CPSF2: variants seen among roughly 807,000 people sequenced by gnomAD.
The protein encoded by CPSF2 is cleavage and polyadenylation specificity factor subunit 2.
Under a neutral mutation model 84.2 loss-of-function variants are expected in CPSF2, and 51 were observed. The observed-to-expected ratio is 0.61, with a 90% CI of 0.48 to 0.77. The LOEUF (loss-of-function observed/expected upper bound fraction) is 0.77, where lower values mean the gene tolerates loss of function less well. Among genes scored for constraint, CPSF2 ranks in the 30% least tolerant of loss-of-function variants. The pLI, the probability that CPSF2 is intolerant of heterozygous loss-of-function variation, is 0.00. For missense variants in CPSF2, 641 were observed against 929.4 expected (o/e 0.69, Z 4.03); for synonymous variants, 286 against 311.9 (o/e 0.92, Z 0.87).
intron 9 of CPSF2, 122 bp downstream of exon 9, chr14:92,143,416 C>T (rs879319396): frequency 2.8e-5 from 21 of 754,460 alleles, no homozygotes; most frequent in Non-Finnish European, 3.5e-5. Flanking sequence ...CAGAATTACT[C>T]TTGAGAGCCA....
At chr14:92,136,991 A>G (rs910407692) in intron 6 of CPSF2, among the ~76,000 whole-genome samples, 13 of 151,774 alleles carry the variant, frequency 8.6e-5, no homozygotes, top group Admixed American at 4.6e-4. Flanking sequence ...ATTTGATGAC[A>G]TACAGGTTCA....
At chr14:92,145,893 G>A (rs916374598) in intron 9 of CPSF2, among the ~76,000 whole-genome samples, 1 of 152,110 alleles carries the variant, frequency 6.6e-6, no homozygotes, top group Non-Finnish European at 1.5e-5. Flanking sequence ...CCTTCTTAGC[G>A]ATAGTTCTTT....
intron 8 of CPSF2, 73 bp from the exon 9 acceptor site, chr14:92,142,931 C>A (rs1382764569): frequency 1.5e-6 from 2 of 1,292,546 alleles, no homozygotes; most frequent in East Asian, 4.7e-5. Context: ...ACTTGAATTC[C>A]TTGACTATTA....
At chr14:92,139,177 G>C (rs2069040392) in intron 7 of CPSF2, among the ~76,000 whole-genome samples, 1 of 152,070 alleles carries the variant, frequency 6.6e-6, no homozygotes, top group Non-Finnish European at 1.5e-5. Context: ...CACCACTTTG[G>C]GAGGCTGAGG....
At chr14:92,125,398 A>G (rs2068832838) in intron 1 of CPSF2, among the ~76,000 whole-genome samples, 2 of 152,208 alleles carry the variant, frequency 1.3e-5, no homozygotes. Context: ...GCTATAAAAT[A>G]CAATTTGAGA....
At chr14:92,143,344 T>G in intron 9 of CPSF2, 50 bp downstream of exon 9, 1 of 1,180,776 alleles carries the variant, frequency 8.5e-7, no homozygotes, top group East Asian at 2.4e-5. Context: ...GGGGATACAT[T>G]GTGCATGATG....
intron 2 of CPSF2, among the ~76,000 whole-genome samples, chr14:92,128,370 C>T (rs2068869123): frequency 6.6e-6 from 1 of 152,222 alleles, no homozygotes; most frequent in Non-Finnish European, 1.5e-5. Context: ...GTAGTCCCAG[C>T]TACTCAGGTG....
In CPSF2 at chr14:92,166,343, T is replaced by G. The variant is rs1050117872; in HGVS notation, c.*4599T>G. On this transcript the variant is annotated 3_prime_UTR_variant, in exon 16 of 16. Transcript: ENST00000298875. ...GTCTTTCATTTATTTTGAATTATTA[T>G]CATTATTATTATTTTCTTTTTGAGG... 6.6e-6 allele frequency: 1 copy of G among 152,086 alleles called. No individual in the cohort carries two copies. The highest frequency in any genetic ancestry group is 1.5e-5 in the Non-Finnish European group (1 of 68,020). The allele number at this position is 152,086 out of a possible 1,614,324, so 9.4% of individuals were successfully genotyped here.
intron 4 of CPSF2, 31 bp from the exon 5 acceptor site, chr14:92,134,215 ATTGT>A: frequency 6.2e-7 from 1 of 1,611,168 alleles, no homozygotes; most frequent in South Asian, 1.1e-5. Context: ...TCCTTCAGTG[ATTGT>A]TTTTCACCTT....
At position 92,140,434 on chromosome 14, in the gene CPSF2, C is replaced by CTTT. The variant is rs35320936; in HGVS notation, c.662-1715_662-1713dup. Among the ~76,000 whole-genome samples, 628 of 123,326 alleles carry CTTT rather than the reference C, an allele frequency of 5.1e-3. 14 individuals carry two copies. The highest frequency in any genetic ancestry group is 0.018 in the African/African-American group (599 of 32,984). 80.9% of individuals were successfully genotyped at this position (123,326 alleles called of 152,430 possible). A position where few individuals can be genotyped will look rare whatever the true frequency, so the allele number is the denominator to read the frequency against. On this transcript the variant is annotated intron_variant, in intron 7 of 15. Transcript: ENST00000298875. ...GGGTAACATAGTGAGACCCCCATCT[C>CTTT]TTTTTTTTTTTTTTTTTGAGATGTA...
In CPSF2 at chr14:92,137,021, A is replaced by T. The variant is rs946068833; in HGVS notation, c.546-1211A>T. Among the ~76,000 whole-genome samples, 10 of 94,374 alleles carry T rather than the reference A, an allele frequency of 1.1e-4. No individual in the cohort carries two copies. The East Asian group carries it at 8.7e-3, about 82-fold the overall frequency. The allele number at this position is 94,374 out of a possible 152,430, so 61.9% of individuals were successfully genotyped here. ...GGTTCAAATGTCTGAAACAACAAAT[A>T]AAAAAAAAAATCAAAGTAGGAAAAT... On this transcript the variant is annotated intron_variant, in intron 6 of 15. Transcript: ENST00000298875.
chr14:92,151,889 A>C (rs2069223166), intron 9 of CPSF2, among the ~76,000 whole-genome samples: 1 of 151,866 alleles, frequency 6.6e-6, no homozygotes, highest in Non-Finnish European at 1.5e-5. Context: ...AAATACAAAA[A>C]TTAGCTGGGA....
In CPSF2 at chr14:92,159,094, G is replaced by T. The variant is rs775775505; in HGVS notation, c.1933G>T (p.Gly645Trp). 6.2e-7 allele frequency: 1 copy of T among 1,614,004 alleles called. No individual in the cohort carries two copies. The highest frequency in any genetic ancestry group is 1.1e-5 in the South Asian group (1 of 91,056). Residue 645 changes from glycine (G) to tryptophan (W), a missense_variant, in exon 14 of 16, where the codon GGG becomes TGG. Physicochemically the swap from Gly to Trp is radical, Grantham distance 184. Transcript: ENST00000298875. ...TATGAGAGTTTCCAAAGTGGACACA[G>T]GGGTTATTTTAGAAGAAGGAGAACT... ...LDMRVSKVDT[G>W]VILEEGELKD...
intron 7 of CPSF2, among the ~76,000 whole-genome samples, chr14:92,140,896 A>G (rs1203914025): frequency 6.6e-6 from 1 of 152,098 alleles, no homozygotes; most frequent in Non-Finnish European, 1.5e-5. Flanking sequence ...CCTGGGTGAC[A>G]GAGCGAGACC....
In CPSF2 at chr14:92,170,888, A is replaced by T. The variant is rs925613702; in HGVS notation, c.*9144A>T. On this transcript the variant is annotated 3_prime_UTR_variant, in exon 16 of 16. Transcript: ENST00000298875. ...ATGTTTTCAAGATTTCTCCACTGTTAGTATTTTCTCCACTTGTATTTGTTT... is the reference window on the plus strand; with the variant it reads ...ATGTTTTCAAGATTTCTCCACTGTTTGTATTTTCTCCACTTGTATTTGTTT... 6.6e-6 allele frequency: 1 copy of T among 152,220 alleles called. No homozygotes were observed. The highest frequency in any genetic ancestry group is 1.5e-5 in the Non-Finnish European group (1 of 68,044). The allele number at this position is 152,220 out of a possible 1,614,324, so 9.4% of individuals were successfully genotyped here. A position where few individuals can be genotyped will look rare whatever the true frequency, so the allele number is the denominator to read the frequency against.
intron 15 of CPSF2, 120 bp from the exon 16 acceptor site, chr14:92,161,532 A>C (rs1403165788): frequency 1.5e-6 from 1 of 668,504 alleles, no homozygotes; most frequent in Non-Finnish European, 2.4e-6. Context: ...TATGCTGTGA[A>C]TCAGAGCAAC....
chr14:92,151,860 G>C (rs1433552713), intron 9 of CPSF2, among the ~76,000 whole-genome samples: 1 of 152,036 alleles, frequency 6.6e-6, no homozygotes, highest in African/African-American at 2.4e-5. Flanking sequence ...AGCATGTCAA[G>C]ACTCGGTCTC....
At chr14:92,158,209 G>C (rs191938863) in intron 13 of CPSF2, among the ~76,000 whole-genome samples, 13 of 152,268 alleles carry the variant, frequency 8.5e-5, no homozygotes, top group Admixed American at 2.6e-4. Flanking sequence ...GAGTAGGAAA[G>C]GGGGGGAAGA....
chr14:92,150,942 A>G (rs2069207287), intron 9 of CPSF2, among the ~76,000 whole-genome samples: 1 of 152,208 alleles, frequency 6.6e-6, no homozygotes, highest in Non-Finnish European at 1.5e-5. Context: ...TTAAACTGAA[A>G]AGACTTCTGA....
Sources: gnomAD v4.1 joint callset for allele counts (sites outside exome capture counted in the v4.1 genomes callset) on GRCh38, gnomAD v4.1.1 for gene constraint, MANE v1.5 for transcripts, NCBI Gene and HGNC (gene_info 2026-07-23, HGNC 2026-07-21) for gene names.